The following LRRC8B variants were observed in gnomAD, a reference collection of about 807,000 sequenced individuals.
The protein encoded by LRRC8B is leucine rich repeat containing 8 VRAC subunit B.
Under a neutral mutation model 58.8 loss-of-function variants are expected in LRRC8B, and 23 were observed. That is an observed-to-expected ratio of 0.39 (90% CI 0.28 to 0.55). LRRC8B has a LOEUF of 0.55. Ranked by LOEUF, LRRC8B falls within the 20% of genes least tolerant of loss-of-function variation. LRRC8B has a pLI of 0.62. For missense variants in LRRC8B, 694 were observed against 936.0 expected (o/e 0.74, Z 3.37); for synonymous variants, 359 against 374.1 (o/e 0.96, Z 0.47).
intron 1 of LRRC8B, among the ~76,000 whole-genome samples, chr1:89,567,814 G>A (rs977946663): frequency 5.3e-5 from 8 of 152,092 alleles, no homozygotes; most frequent in Non-Finnish European, 7.4e-5. Flanking sequence ...TGAAAATTTA[G>A]TAGGGGAATG....
At chr1:89,543,529 T>A (rs985789008) in intron 1 of LRRC8B, among the ~76,000 whole-genome samples, 6 of 152,172 alleles carry the variant, frequency 3.9e-5, no homozygotes, top group Admixed American at 3.9e-4. Context: ...GGAGTCTTGC[T>A]CTGTCACCTG....
chr1:89,531,968 T>G (rs1171188286), intron 1 of LRRC8B, among the ~76,000 whole-genome samples: 1 of 152,138 alleles, frequency 6.6e-6, no homozygotes, highest in Non-Finnish European at 1.5e-5. Flanking sequence ...ACCTTGTAAC[T>G]TGGACTTCCT....
At chr1:89,526,046 A>G (rs887021822) in intron 1 of LRRC8B, among the ~76,000 whole-genome samples, 2 of 152,250 alleles carry the variant, frequency 1.3e-5, no homozygotes, top group Non-Finnish European at 2.9e-5. Context: ...AGAACACCCC[A>G]GAAATCTTAA....
chr1:89,593,440 G>T lies in LRRC8B; in HGVS notation c.*397G>T, dbSNP rs557450805. 6.2e-6 allele frequency: 1 copy of T among 160,442 alleles called. No homozygotes were observed. Among genetic ancestry groups the T allele is most frequent in the South Asian group, 1.7e-4 (1 of 5,828 alleles). The allele number at this position is 160,442 out of a possible 1,614,324, so 9.9% of individuals were successfully genotyped here. ...AAGTAAAATTTTCTAAGTTAATAAA[G>T]ATGAAGAATGGGTGACTATTATGAT... On this transcript the variant is annotated 3_prime_UTR_variant, in exon 6 of 6. Transcript: ENST00000330947.
Position 89,583,191 on chromosome 1 carries a change from C to G in LRRC8B, c.541C>G (p.Leu181Val). Residue 181 changes from leucine to valine, a missense_variant, in exon 5 of 6, where the codon CTG (leucine) becomes GTG (valine). Leu to Val is a conservative substitution (Grantham distance 32). Transcript: ENST00000330947. This position sits in a 1 kb window ranked among gnomAD's most constrained non-coding sequence, Gnocchi z 5.2. Reference sequence around the variant, plus strand: ...AGTGGCTGAGCAGTCAGTGAGGCCTCTGAAACTCTCCAAGTCCAAGATTTT... The same window carrying G: ...AGTGGCTGAGCAGTCAGTGAGGCCTGTGAAACTCTCCAAGTCCAAGATTTT... ...ETVAEQSVRP[L>V]KLSKSKILLS... The G allele has an allele frequency of 1.2e-6, 2 of 1,614,174 alleles. No homozygotes were observed.
intron 1 of LRRC8B, among the ~76,000 whole-genome samples, chr1:89,544,440 C>G (rs949309425): frequency 6.6e-6 from 1 of 152,148 alleles, no homozygotes; most frequent in African/African-American, 2.4e-5. Flanking sequence ...ATTTACCAGG[C>G]TCAGCAGCTG....
chr1:89,551,996 G>GT (rs960486774), intron 1 of LRRC8B, among the ~76,000 whole-genome samples: 36 of 151,962 alleles, frequency 2.4e-4, no homozygotes, highest in African/African-American at 7.5e-4. Context: ...TTTATTCATA[G>GT]TTTTTTTTCC....
chr1:89,562,093 G>C lies in LRRC8B; in HGVS notation c.-240-6154G>C, dbSNP rs534781308. On this transcript the variant is annotated intron_variant, in intron 1 of 5. Transcript: ENST00000330947. ...TATTTCACATAGGCACCCAGTAAGT[G>C]TGTCTGCTATCACTAAGGCCAAGGA... Among the ~76,000 whole-genome samples the C allele has an allele frequency of 2.0e-4, 31 of 151,352 alleles. 1 individual carries two copies. In the Admixed American group the frequency reaches 2.0e-3, roughly 10 times the overall value.
At position 89,542,595 on chromosome 1, in the gene LRRC8B, T is replaced by A. The variant is rs376912747; in HGVS notation, c.-241+17573T>A. On this transcript the variant is annotated intron_variant, in intron 1 of 5. Coordinates refer to ENST00000330947, the MANE Select transcript of LRRC8B (RefSeq NM_001369817.2). ...AGCTACTTTTTATTTTTCTCAGAGATCTCTTTGAAGAATATTCATATTGAT... is the reference window on the plus strand; with the variant it reads ...AGCTACTTTTTATTTTTCTCAGAGAACTCTTTGAAGAATATTCATATTGAT... 5.9e-5 allele frequency among the ~76,000 whole-genome samples: 9 copies of A among 152,234 alleles called. No homozygotes were observed. The South Asian group carries it at 8.3e-4, about 14-fold the overall frequency.
At chr1:89,530,309 A>G (rs1008230056) in intron 1 of LRRC8B, among the ~76,000 whole-genome samples, 1 of 151,872 alleles carries the variant, frequency 6.6e-6, no homozygotes, top group African/African-American at 2.4e-5. Context: ...CAGTGAGCCG[A>G]GATTGTGCCA....
intron 1 of LRRC8B, among the ~76,000 whole-genome samples, chr1:89,538,326 T>G (rs1171414439): frequency 6.6e-6 from 1 of 152,220 alleles, no homozygotes; most frequent in Non-Finnish European, 1.5e-5. Context: ...TCTTTCCTTA[T>G]AGATGAAATT....
At chr1:89,575,891 A>G (rs1653810465) in intron 3 of LRRC8B, among the ~76,000 whole-genome samples, 1 of 152,156 alleles carries the variant, frequency 6.6e-6, no homozygotes, top group Non-Finnish European at 1.5e-5. Context: ...TTCTTTTTAA[A>G]CATATTGTAA....
chr1:89,582,901 G>C lies in LRRC8B; in HGVS notation c.251G>C (p.Gly84Ala). The C allele has an allele frequency of 6.2e-7, 1 of 1,613,986 alleles. No individual in the cohort carries two copies. ...KASMNTSSNP[G>A]TPLPLPLRIQ... is the part of the protein sequence containing the mutation. ...AGCATGAACACATCCTCTAATCCTGGGACACCGCTTCCGCTCCCCCTCCGA... is the reference window on the plus strand; with the variant it reads ...AGCATGAACACATCCTCTAATCCTGCGACACCGCTTCCGCTCCCCCTCCGA... The change falls in exon 5 of 6, where the codon GGG becomes GCG. Residue 84 changes from glycine to alanine, a missense_variant. Gly to Ala is a moderately conservative substitution (Grantham distance 60). Transcript: ENST00000330947.
chr1:89,582,036 G>A (rs958324664), intron 4 of LRRC8B, among the ~76,000 whole-genome samples: 1 of 152,068 alleles, frequency 6.6e-6, no homozygotes, highest in African/African-American at 2.4e-5. Flanking sequence ...TGATGCTTCA[G>A]ACATGGGACA....
intron 1 of LRRC8B, among the ~76,000 whole-genome samples, chr1:89,550,175 A>G (rs1011390433): frequency 6.6e-6 from 1 of 152,216 alleles, no homozygotes; most frequent in Non-Finnish European, 1.5e-5. Context: ...GCTCGAAAGC[A>G]CTTAAAAGTA....
chr1:89,539,584 A>G (rs150367607), intron 1 of LRRC8B, among the ~76,000 whole-genome samples: 2 of 152,330 alleles, frequency 1.3e-5, no homozygotes, highest in African/African-American at 4.8e-5. Flanking sequence ...GGGAGTCTGC[A>G]TGGAAAGTGT....
chr1:89,525,143 T>G (rs143919532), intron 1 of LRRC8B, 121 bp downstream of exon 1: 5,154 of 152,364 alleles, frequency 0.034, 128 homozygotes, highest in Middle Eastern at 0.065. Flanking sequence ...TGCGGTTACC[T>G]GTTCACGCCT....
intron 1 of LRRC8B, among the ~76,000 whole-genome samples, chr1:89,557,813 G>A (rs1652303717): frequency 6.6e-6 from 1 of 152,088 alleles, no homozygotes; most frequent in South Asian, 2.1e-4. Flanking sequence ...CTACGGCTTG[G>A]GGAACATTGA....
chr1:89,593,698 C>G lies in LRRC8B; in HGVS notation c.*655C>G. 1 of 152,018 alleles carries G rather than the reference C, an allele frequency of 6.6e-6. No homozygotes were observed. The highest frequency in any genetic ancestry group is 1.9e-4 in the East Asian group (1 of 5,194). The allele number at this position is 152,018 out of a possible 1,614,324, so 9.4% of individuals were successfully genotyped here. A position where few individuals can be genotyped will look rare whatever the true frequency, so the allele number is the denominator to read the frequency against. On this transcript the variant is annotated 3_prime_UTR_variant, in exon 6 of 6. Coordinates refer to ENST00000330947, the MANE Select transcript of LRRC8B (RefSeq NM_001369817.2). ...ATTCTCTCCTCTTCTTCCCCCAGTC[C>G]CCATTACTTATTTGCACACTTGTTT...
Sources: allele counts gnomAD v4.1 joint callset (sites outside exome capture counted in the v4.1 genomes callset), GRCh38; gene constraint gnomAD v4.1.1; non-coding constraint Gnocchi (gnomAD v3.1); transcripts MANE v1.5; gene names NCBI Gene and HGNC (gene_info 2026-07-23, HGNC 2026-07-21).